The following C3orf52 variants were observed in gnomAD, a reference collection of about 807,000 sequenced individuals.
The protein encoded by C3orf52 is chromosome 3 open reading frame 52.
C3orf52 carries 22 observed loss-of-function variants against 24.8 expected under a neutral mutation model. That is an observed-to-expected ratio of 0.89 (90% CI 0.63 to 1.27). C3orf52 has a LOEUF of 1.27. Ranked by LOEUF, C3orf52 falls within the 50% of genes most tolerant of loss-of-function variation. The pLI is 0.00. For missense variants in C3orf52, 265 were observed against 260.7 expected, an observed-to-expected ratio of 1.02 and a Z score of -0.11; for synonymous variants, 93 against 100.2, an observed-to-expected ratio of 0.93 and a Z score of 0.43.
chr3:112,113,981 T>A (rs2074110790), intron 5 of C3orf52, among the ~76,000 whole-genome samples: 1 of 152,210 alleles, frequency 6.6e-6, no homozygotes, highest in Non-Finnish European at 1.5e-5. Flanking sequence ...TATGTTCTCA[T>A]CCACAGTCCA....
intron 4 of C3orf52, chr3:112,112,433 G>A (rs747307066): frequency 8.8e-5 from 14 of 159,118 alleles, no homozygotes; most frequent in South Asian, 1.9e-4. Flanking sequence ...CTCTGTCAAC[G>A]TTCAGAAGTT....
downstream of C3orf52, chr3:112,122,188 T>C (rs2074213702): frequency 6.6e-6 from 1 of 152,256 alleles, no homozygotes; most frequent in Admixed American, 6.5e-5. Context: ...GTTAAGTTTC[T>C]CTCAAACTAT....
At chr3:112,095,534 A>G (rs1186099492) in intron 2 of C3orf52, among the ~76,000 whole-genome samples, 1 of 152,196 alleles carries the variant, frequency 6.6e-6, no homozygotes, top group Admixed American at 6.5e-5. Context: ...TGCAAGAGGA[A>G]GGTATTTCAC....
At chr3:112,130,151 A>G (rs1167629670), downstream of C3orf52, 4 of 357,486 alleles carry the variant, frequency 1.1e-5, no homozygotes, top group Admixed American at 4.0e-5. Context: ...GAGATAGACA[A>G]ACAAAATGAC....
intron 5 of C3orf52, among the ~76,000 whole-genome samples, chr3:112,116,353 T>C (rs933772033): frequency 6.6e-6 from 1 of 152,200 alleles, no homozygotes; most frequent in Non-Finnish European, 1.5e-5. Flanking sequence ...AGGGACTGGA[T>C]GTTAAAATGT....
downstream of C3orf52, chr3:112,129,131 G>A (rs1183578611): frequency 3.3e-5 from 5 of 152,144 alleles, no homozygotes; most frequent in African/African-American, 9.7e-5. Flanking sequence ...CCTTCAATGT[G>A]CTTCAGACCG....
intron 1 of C3orf52, among the ~76,000 whole-genome samples, chr3:112,090,930 G>A (rs1410937591): frequency 6.6e-6 from 1 of 152,180 alleles, no homozygotes. Flanking sequence ...TCTTTGTACT[G>A]GGATGTCTTT....
At chr3:112,109,661 TC>T in intron 4 of C3orf52, 48 bp downstream of exon 4, 2 of 1,138,996 alleles carry the variant, frequency 1.8e-6, no homozygotes, top group Non-Finnish European at 1.3e-6. Flanking sequence ...TGGAAAGAGA[TC>T]CCCCCACCCC....
In C3orf52 at chr3:112,116,825, C is replaced by G. The variant is rs750312286; in HGVS notation, c.*179C>G. ...CAGTCTGGCTCTAAGCCCAGTAAAA[C>G]AGCTCCCGAGCACTGCTTCAGCTGG... On this transcript the variant is annotated 3_prime_UTR_variant, in exon 6 of 6. Transcript: ENST00000264848. 2.0e-6 allele frequency: 3 copies of G among 1,538,144 alleles called. No homozygotes were observed. The East Asian group carries it at 7.3e-5, about 38-fold the overall frequency.
chr3:112,098,190 G>A (rs930252042), intron 2 of C3orf52, among the ~76,000 whole-genome samples: 2 of 152,056 alleles, frequency 1.3e-5, no homozygotes, highest in Non-Finnish European at 2.9e-5. Flanking sequence ...GTATCTATTG[G>A]TTCCCAATTT....
chr3:112,109,022 G>A (rs528762574), intron 3 of C3orf52, among the ~76,000 whole-genome samples: 1 of 152,278 alleles, frequency 6.6e-6, no homozygotes, highest in South Asian at 2.1e-4. Flanking sequence ...AATATTTCAT[G>A]CATAAAATAA....
chr3:112,123,238 C>T (rs1576157845), intron 4 of C3orf52: 1 of 845,736 alleles, frequency 1.2e-6, no homozygotes, highest in South Asian at 1.9e-5. Context: ...ATGGTTACCT[C>T]TTTCTCAAAT....
intron 4 of C3orf52, 97 bp from the exon 5 acceptor site, chr3:112,112,867 A>C: frequency 1.1e-6 from 1 of 934,252 alleles, no homozygotes; most frequent in Non-Finnish European, 1.7e-6. Flanking sequence ...CTGGAAGAAC[A>C]TGCAAAACTA....
chr3:112,120,366 C>A (rs1245096907), downstream of C3orf52, among the ~76,000 whole-genome samples: 1 of 152,210 alleles, frequency 6.6e-6, no homozygotes, highest in Non-Finnish European at 1.5e-5. Context: ...ATCTATCACT[C>A]AAGTTTGTCC....
At chr3:112,102,014 C>T (rs2073976025) in intron 2 of C3orf52, among the ~76,000 whole-genome samples, 1 of 152,158 alleles carries the variant, frequency 6.6e-6, no homozygotes, top group African/African-American at 2.4e-5. Flanking sequence ...AACTAATTGT[C>T]CCAGGAATGT....
rs942932438 is a variant in C3orf52, at chr3:112,117,845, T to C, written c.*1199T>C. On this transcript the variant is annotated 3_prime_UTR_variant, in exon 6 of 6. Transcript: ENST00000264848. Reference sequence around the variant, plus strand: ...CAGGAGAAAGAGTTTTGTGCTGTATTGTGAGAGATCTCGCCTCTCAGTTAA... The same window carrying C: ...CAGGAGAAAGAGTTTTGTGCTGTATCGTGAGAGATCTCGCCTCTCAGTTAA... The C allele has an allele frequency of 3.3e-5, 5 of 152,248 alleles. No homozygotes were observed. Among genetic ancestry groups the C allele is most frequent in the Admixed American group, 1.3e-4 (2 of 15,280 alleles). The allele number at this position is 152,248 out of a possible 1,614,324, so 9.4% of individuals were successfully genotyped here.
At chr3:112,123,166 G>C, downstream of C3orf52, 1 of 446,722 alleles carries the variant, frequency 2.2e-6, no homozygotes. Context: ...GGTGTGCATA[G>C]CTTTAGGGGA....
chr3:112,123,204 T>C (rs935792118), downstream of C3orf52: 1 of 595,722 alleles, frequency 1.7e-6, no homozygotes, highest in Non-Finnish European at 2.8e-6. Flanking sequence ...ACCACTATAC[T>C]CTCCAAACCA....
chr3:112,123,268 G>T, intron 4 of C3orf52: 2 of 1,055,564 alleles, frequency 1.9e-6, no homozygotes, highest in African/African-American at 1.6e-5. Context: ...CAGGATAAAT[G>T]GTTGATCTTT....
Sources: gnomAD v4.1 joint callset for allele counts (sites outside exome capture counted in the v4.1 genomes callset) on GRCh38, gnomAD v4.1.1 for gene constraint, MANE v1.5 for transcripts, NCBI Gene and HGNC (gene_info 2026-07-23, HGNC 2026-07-21) for gene names.